The following DIP2C variants were observed in gnomAD, a reference collection of about 807,000 sequenced individuals.
DIP2C encodes DIP2 acetate--CoA ligase C (putative).
A neutral mutation model predicts 192.4 loss-of-function variants in DIP2C; 33 were observed. The ratio of observed to expected loss-of-function variants is 0.17; its 90% CI spans 0.13 to 0.23. The LOEUF (loss-of-function observed/expected upper bound fraction) is 0.23. DIP2C is among the 10% of genes least tolerant of loss of function. The pLI is 1.00. For missense variants in DIP2C, 1,537 were observed against 2,110.1 expected (o/e 0.73, Z 5.32); for synonymous variants, 979 against 864.1 (o/e 1.13, Z -2.33).
At chr10:453,347 T>C (rs1412679947) in intron 3 of DIP2C, among the ~76,000 whole-genome samples, 2 of 152,178 alleles carry the variant, frequency 1.3e-5, no homozygotes, top group Non-Finnish European at 1.5e-5. Flanking sequence ...CCAGGCAGGA[T>C]TGCAGCGGAG....
chr10:489,836 A>C (rs1844304098), intron 1 of DIP2C, among the ~76,000 whole-genome samples: 1 of 114,352 alleles, frequency 8.7e-6, no homozygotes, highest in Non-Finnish European at 1.8e-5. Context: ...CCACCTTCAC[A>C]CTAGGGACAC....
chr10:478,854 G>A (rs900439213), intron 2 of DIP2C, among the ~76,000 whole-genome samples: 19 of 152,148 alleles, frequency 1.2e-4, no homozygotes, highest in Admixed American at 9.8e-4. Context: ...AGATAGCAAC[G>A]TCTCTATGGC....
At chr10:346,608 C>A (rs1454647916) in intron 26 of DIP2C, among the ~76,000 whole-genome samples, 1 of 144,644 alleles carries the variant, frequency 6.9e-6, no homozygotes, top group African/African-American at 2.6e-5. Context: ...CCAGACACAC[C>A]GCGCATAGTT....
chr10:417,936 T>TCGGATAGGCC (rs1564686163), intron 6 of DIP2C, among the ~76,000 whole-genome samples: 23 of 97,756 alleles, frequency 2.4e-4, no homozygotes, highest in South Asian at 3.7e-4. Flanking sequence ...CTGTCAGGGC[T>TCGGATAGGCC]TCGATAGGCC....
At chr10:416,854 T>C (rs7893743) in intron 6 of DIP2C, among the ~76,000 whole-genome samples, 53,077 of 151,982 alleles carry the variant, frequency 0.35, 9,563 homozygotes, top group South Asian at 0.46. Context: ...GGGGTCTCTG[T>C]AGGTGCAGCT....
chr10:550,042 C>T (rs1312507852), intron 1 of DIP2C, among the ~76,000 whole-genome samples: 1 of 150,726 alleles, frequency 6.6e-6, no homozygotes, highest in Admixed American at 6.6e-5. Flanking sequence ...GACAGTCTCC[C>T]TCTGTCGCCC....
chr10:274,963 C>G lies in DIP2C; in HGVS notation c.*2362G>C, dbSNP rs1482429482. The G allele has an allele frequency of 6.6e-6, 1 of 152,228 alleles. No homozygotes were observed. The highest frequency in any genetic ancestry group is 1.5e-5 in the Non-Finnish European group (1 of 68,040). 9.4% of individuals were successfully genotyped at this position (152,228 alleles called of 1,614,324 possible). ...TGGTACTAAGTGTCTCCTTTCCTTTCTCTTGCACAACCAAATTTCAATCTC... is the reference window on the plus strand; with the variant it reads ...TGGTACTAAGTGTCTCCTTTCCTTTGTCTTGCACAACCAAATTTCAATCTC... On this transcript the variant is annotated 3_prime_UTR_variant, in exon 37 of 37. Transcript: ENST00000280886.
intron 7 of DIP2C, 27 bp from the exon 8 acceptor site, chr10:414,137 C>CA: frequency 6.3e-7 from 1 of 1,594,170 alleles, no homozygotes; most frequent in Non-Finnish European, 8.6e-7. Flanking sequence ...CAAGAGGTTA[C>CA]AAGAGAAATG....
chr10:607,933 TCAGTGTGGGTCC>T (rs1231823832), intron 1 of DIP2C, among the ~76,000 whole-genome samples: 1 of 151,314 alleles, frequency 6.6e-6, no homozygotes, highest in East Asian at 2.0e-4. Flanking sequence ...CCACAGCCCC[TCAGTGTGGGTCC>T]CAGAGGTGGC....
At chr10:292,556 C>A (rs188818711) in intron 32 of DIP2C, among the ~76,000 whole-genome samples, 1 of 152,344 alleles carries the variant, frequency 6.6e-6, no homozygotes, top group Non-Finnish European at 1.5e-5. Context: ...AACTTAGCAA[C>A]CTGTTTTGCT....
chr10:651,158 C>G lies in DIP2C; in HGVS notation c.85+38336G>C. On this transcript the variant is annotated intron_variant, in intron 1 of 36. Transcript: ENST00000280886. The surrounding 1 kb of genome is among the most constrained non-coding windows in gnomAD (Gnocchi z 4.1). ...TCCACTGGGGGCCTCAGGGGCACCTCCACCTGCCCAGGTCTGGGACCACCG... is the reference window on the plus strand; with the variant it reads ...TCCACTGGGGGCCTCAGGGGCACCTGCACCTGCCCAGGTCTGGGACCACCG... 1.4e-6 allele frequency: 1 copy of G among 717,600 alleles called. No homozygotes were observed. The highest frequency in any genetic ancestry group is 2.6e-6 in the Non-Finnish European group (1 of 385,124). 44.5% of individuals were successfully genotyped at this position (717,600 alleles called of 1,614,324 possible). A position where few individuals can be genotyped will look rare whatever the true frequency, so the allele number is the denominator to read the frequency against.
At chr10:398,035 G>A (rs952539825) in intron 10 of DIP2C, among the ~76,000 whole-genome samples, 4 of 152,132 alleles carry the variant, frequency 2.6e-5, no homozygotes, top group African/African-American at 9.7e-5. Flanking sequence ...ACAAATAGCA[G>A]GCCCTGAAAG....
At chr10:671,013 G>A (rs1045023059) in intron 1 of DIP2C, among the ~76,000 whole-genome samples, 7 of 152,256 alleles carry the variant, frequency 4.6e-5, no homozygotes, top group Non-Finnish European at 1.0e-4. Context: ...GCCTCCAGGA[G>A]AGGAAGCAGA....
chr10:648,928 G>C (rs1487610473), intron 1 of DIP2C, among the ~76,000 whole-genome samples: 1 of 150,578 alleles, frequency 6.6e-6, no homozygotes, highest in Non-Finnish European at 1.5e-5. Flanking sequence ...ACATTGGATG[G>C]TGGGAGAGAA....
intron 31 of DIP2C, among the ~76,000 whole-genome samples, chr10:321,495 G>A (rs553882365): frequency 5.4e-4 from 81 of 151,330 alleles, no homozygotes; most frequent in African/African-American, 1.9e-3. Context: ...TCCATCAGGC[G>A]TCCCCCACCA....
At chr10:514,410 C>G (rs1031941211) in intron 1 of DIP2C, among the ~76,000 whole-genome samples, 1 of 152,190 alleles carries the variant, frequency 6.6e-6, no homozygotes, top group Admixed American at 6.5e-5. Context: ...GTGCTGGCTT[C>G]GTGCCGGGAA....
intron 28 of DIP2C, 59 bp downstream of exon 28, chr10:344,750 C>G (rs1229467012): frequency 6.9e-7 from 1 of 1,443,506 alleles, no homozygotes; most frequent in Non-Finnish European, 9.5e-7. Flanking sequence ...CGTGACCTGC[C>G]ACCTCCAGCA....
chr10:429,938 T>G (rs1260474413), intron 4 of DIP2C, among the ~76,000 whole-genome samples: 1 of 152,074 alleles, frequency 6.6e-6, no homozygotes, highest in Non-Finnish European at 1.5e-5. Context: ...AAAGAGTATA[T>G]TTAGTTTTGT....
At chr10:535,865 C>G (rs1264564589) in intron 1 of DIP2C, among the ~76,000 whole-genome samples, 1 of 152,176 alleles carries the variant, frequency 6.6e-6, no homozygotes, top group Admixed American at 6.5e-5. Flanking sequence ...AGAATTAGGT[C>G]AAAATAATTA....
Sources: allele counts gnomAD v4.1 joint callset (sites outside exome capture counted in the v4.1 genomes callset), GRCh38; gene constraint gnomAD v4.1.1; non-coding constraint Gnocchi (gnomAD v3.1); transcripts MANE v1.5; gene names NCBI Gene and HGNC (gene_info 2026-07-23, HGNC 2026-07-21).